DTD1: variants seen among roughly 807,000 people sequenced by gnomAD.
The protein encoded by DTD1 is D-tyrosyl-tRNA deacylase 1 homolog.
A neutral mutation model predicts 25.6 loss-of-function variants in DTD1; 13 were observed. The observed-to-expected ratio is 0.51, with a 90% CI of 0.33 to 0.81. The LOEUF (loss-of-function observed/expected upper bound fraction) is 0.81. DTD1 is among the 30% of genes least tolerant of loss of function. DTD1 has a pLI of 0.02. For missense variants in DTD1, 193 were observed against 266.4 expected, an observed-to-expected ratio of 0.72 and a Z score of 1.92; for synonymous variants, 110 against 103.6, an observed-to-expected ratio of 1.06 and a Z score of -0.37.
chr20:18,649,299 GA>G (rs2060863793), intron 4 of DTD1, among the ~76,000 whole-genome samples: 1 of 132,528 alleles, frequency 7.5e-6, no homozygotes, highest in African/African-American at 2.8e-5. Flanking sequence ...GAAAGACTCT[GA>G]TGGGCTTTCT....
At position 18,765,938 on chromosome 20, in the gene DTD1, C is replaced by T. The variant is rs1038388499; in HGVS notation, c.*2598C>T. The stretch of plus-strand genomic sequence containing the variant: ...CAGATCACAGACCCAGGACTTTAAA[C>T]AGAGTGCTGTGCCGATAACACTGCA... On this transcript the variant is annotated 3_prime_UTR_variant, in exon 6 of 6. Coordinates refer to ENST00000377452, the MANE Select transcript of DTD1 (RefSeq NM_080820.6). 2 of 152,208 alleles carry T rather than the reference C, an allele frequency of 1.3e-5. No individual in the cohort carries two copies. Among genetic ancestry groups the T allele is most frequent in the African/African-American group, 4.8e-5 (2 of 41,440 alleles). 9.4% of individuals were successfully genotyped at this position (152,208 alleles called of 1,614,324 possible).
chr20:18,634,898 C>T, intron 4 of DTD1, among the ~76,000 whole-genome samples: 1 of 152,164 alleles, frequency 6.6e-6, no homozygotes, highest in East Asian at 1.9e-4. Flanking sequence ...GGGGAGCTCT[C>T]ACTTGCTGCA....
At chr20:18,681,991 C>T (rs1430490463) in intron 4 of DTD1, among the ~76,000 whole-genome samples, 69 of 152,294 alleles carry the variant, frequency 4.5e-4, no homozygotes, top group East Asian at 3.9e-4. Context: ...GCAGCGGTGC[C>T]ACTAGCCATG....
intron 4 of DTD1, among the ~76,000 whole-genome samples, chr20:18,734,604 A>T (rs984227460): frequency 4.6e-5 from 7 of 152,224 alleles, no homozygotes; most frequent in Admixed American, 2.0e-4. Flanking sequence ...AAATTCAGAG[A>T]AACAGCCTAA....
Position 18,766,517 on chromosome 20 carries a change from G to T in DTD1, c.*3177G>T, listed in dbSNP as rs4814788. 26,391 of 151,860 alleles carry T rather than the reference G, an allele frequency of 0.17. 3,316 individuals are homozygous for T. Among genetic ancestry groups the T allele is most frequent in the African/African-American group, 0.34 (14,055 of 41,390 alleles). 9.4% of individuals were successfully genotyped at this position (151,860 alleles called of 1,614,324 possible). On this transcript the variant is annotated 3_prime_UTR_variant, in exon 6 of 6. Coordinates refer to ENST00000377452, the MANE Select transcript of DTD1 (RefSeq NM_080820.6). ...CCAGCACTTTGGGAGGCCGAGGCGG[G>T]TGGATCACGAGGTCAGTAGATCAAG...
At chr20:18,647,136 A>G (rs972355223) in intron 4 of DTD1, among the ~76,000 whole-genome samples, 6 of 152,162 alleles carry the variant, frequency 3.9e-5, no homozygotes, top group African/African-American at 7.2e-5. Context: ...GCGAATATCT[A>G]TTTTCCAAAA....
At chr20:18,698,083 A>G (rs1423951365) in intron 4 of DTD1, among the ~76,000 whole-genome samples, 2 of 152,242 alleles carry the variant, frequency 1.3e-5, no homozygotes, top group African/African-American at 4.8e-5. Context: ...AATGGGTATG[A>G]ACACCTTTGT....
chr20:18,722,363 A>G (rs2061207464), intron 4 of DTD1, among the ~76,000 whole-genome samples: 1 of 152,234 alleles, frequency 6.6e-6, no homozygotes, highest in Non-Finnish European at 1.5e-5. Flanking sequence ...CAGAGATGGC[A>G]CAGAAAGGGC....
intron 4 of DTD1, among the ~76,000 whole-genome samples, chr20:18,659,519 A>AT (rs1281834500): frequency 6.6e-6 from 1 of 152,170 alleles, no homozygotes; most frequent in Non-Finnish European, 1.5e-5. Context: ...GGTTTGTTTA[A>AT]TTTTTTAAAT....
At chr20:18,750,668 CTG>C (rs2061318265) in intron 5 of DTD1, among the ~76,000 whole-genome samples, 2 of 152,258 alleles carry the variant, frequency 1.3e-5, no homozygotes, top group Non-Finnish European at 2.9e-5. Context: ...CTAAAATTAA[CTG>C]TGTTTTTGTC....
intron 4 of DTD1, among the ~76,000 whole-genome samples, chr20:18,743,882 G>A (rs1276790279): frequency 3.3e-5 from 5 of 152,136 alleles, no homozygotes; most frequent in Admixed American, 3.3e-4. Flanking sequence ...AAAAGTCTGA[G>A]AGTGATTACT....
At chr20:18,689,807 G>A in intron 4 of DTD1, among the ~76,000 whole-genome samples, 1 of 116,486 alleles carries the variant, frequency 8.6e-6, no homozygotes, top group African/African-American at 3.0e-5. Context: ...TTAGACTGTG[G>A]AACTTAAATT....
intron 3 of DTD1, chr20:18,620,228 T>G (rs140219079): frequency 2.0e-5 from 3 of 152,362 alleles, no homozygotes; most frequent in African/African-American, 7.2e-5. Context: ...AGTAATCATG[T>G]TATTTTTACC....
chr20:18,684,540 G>A (rs2061009418), intron 4 of DTD1, among the ~76,000 whole-genome samples: 1 of 152,048 alleles, frequency 6.6e-6, no homozygotes, highest in African/African-American at 2.4e-5. Flanking sequence ...ACCAGCGTAG[G>A]CCTCCCAAAG....
chr20:18,632,477 TAGA>T (rs755440878), intron 4 of DTD1: 8 of 985,344 alleles, frequency 8.1e-6, no homozygotes, highest in Admixed American at 6.1e-5. Context: ...TCTTCTGAAT[TAGA>T]AGGAGTTTCC....
chr20:18,594,890 A>T (rs976645239), intron 2 of DTD1, among the ~76,000 whole-genome samples: 3 of 152,192 alleles, frequency 2.0e-5, no homozygotes, highest in African/African-American at 7.2e-5. Context: ...TCAACATAAG[A>T]CAAATCTTGG....
At chr20:18,641,004 C>A (rs1568655674) in intron 4 of DTD1, among the ~76,000 whole-genome samples, 1 of 152,182 alleles carries the variant, frequency 6.6e-6, no homozygotes, top group African/African-American at 2.4e-5. Context: ...TCTCTTCTCC[C>A]TTCAGCCACT....
chr20:18,654,116 A>G (rs527549225), intron 4 of DTD1, among the ~76,000 whole-genome samples: 1 of 152,368 alleles, frequency 6.6e-6, no homozygotes, highest in African/African-American at 2.4e-5. Flanking sequence ...CAGTGGGTGG[A>G]TGATATGTTT....
chr20:18,743,988 T>C (rs117001172), intron 4 of DTD1, 112 bp from the exon 5 acceptor site: 18,135 of 1,161,276 alleles, frequency 0.016, 157 homozygotes, highest in Non-Finnish European at 0.018. Flanking sequence ...CTCTGCCAGG[T>C]TATCAGAAAA....
Sources: gnomAD v4.1 joint callset for allele counts (sites outside exome capture counted in the v4.1 genomes callset) on GRCh38, gnomAD v4.1.1 for gene constraint, MANE v1.5 for transcripts, NCBI Gene and HGNC (gene_info 2026-07-23, HGNC 2026-07-21) for gene names.